The following SPOCD1 variants were observed in gnomAD, a reference collection of about 807,000 sequenced individuals.
SPOCD1 encodes the protein SPOC domain containing 1.
A neutral mutation model predicts 92.2 loss-of-function variants in SPOCD1; 64 were observed. The observed-to-expected ratio is 0.69, with a 90% CI of 0.57 to 0.86. The LOEUF (loss-of-function observed/expected upper bound fraction) is 0.86. Ranked by LOEUF, SPOCD1 falls within the 40% of genes least tolerant of loss-of-function variation. SPOCD1 has a pLI of 0.00. For synonymous variants in SPOCD1, 578 were observed against 619.3 expected (o/e 0.93, Z 0.99); for missense variants, 1,360 against 1,543.1 (o/e 0.88, Z 1.99).
chr1:31,803,816 G>C (rs1368065958), intron 2 of SPOCD1, among the ~76,000 whole-genome samples: 1 of 150,678 alleles, frequency 6.6e-6, no homozygotes, highest in African/African-American at 2.4e-5. Context: ...GAAAGGAAAG[G>C]AGAAGAAGGA....
intron 2 of SPOCD1, among the ~76,000 whole-genome samples, chr1:31,812,669 A>G (rs541034884): frequency 6.6e-6 from 1 of 152,258 alleles, no homozygotes; most frequent in East Asian, 1.9e-4. Flanking sequence ...AGTCTACCTC[A>G]TAGGCTTGTT....
Position 31,799,457 on chromosome 1 carries a change from C to G in SPOCD1, c.1812G>C (p.Leu604=), listed in dbSNP as rs759884784. 6.2e-7 allele frequency: 1 copy of G among 1,611,952 alleles called. No homozygotes were observed. The highest frequency in any genetic ancestry group is 8.5e-7 in the Non-Finnish European group (1 of 1,179,240). Residue 604 remains leucine, a synonymous_variant, in exon 7 of 16, where the codon CTG becomes CTC. Transcript: ENST00000360482. The part of the protein sequence containing the change: ...SAQLQQEKPS[L]YIGVRGTVVR... Reference sequence around the variant, plus strand: ...CAACAGTGCCCCGCACCCCAATATACAGGGATGGCTTCTCCTGTTGGAGCT... The same window carrying G: ...CAACAGTGCCCCGCACCCCAATATAGAGGGATGGCTTCTCCTGTTGGAGCT...
At chr1:31,797,575 A>G (rs996011938) in intron 9 of SPOCD1, among the ~76,000 whole-genome samples, 3 of 152,208 alleles carry the variant, frequency 2.0e-5, no homozygotes, top group African/African-American at 7.2e-5. Flanking sequence ...TATTCATTCT[A>G]ATCAGTTCAG....
chr1:31,791,036 T>C lies in SPOCD1; in HGVS notation c.3218A>G (p.Gln1073Arg). ...PPPGGAWQQS[Q>R]GRGSIAPRGI... ...CCTTGGAGCTATACTGCCCCTGCCC[T>C]GGCTCTGCTGCCAGGCACCTCCTGG... Residue 1073 changes from glutamine (Q) to arginine (R), a missense_variant, in exon 16 of 16, where the codon CAG (glutamine) becomes CGG (arginine). Transcript: ENST00000360482. 6.2e-7 allele frequency: 1 copy of C among 1,612,326 alleles called. No individual in the cohort carries two copies. Among genetic ancestry groups the C allele is most frequent in the Non-Finnish European group, 8.5e-7 (1 of 1,179,552 alleles).
At chr1:31,792,131 T>C in intron 15 of SPOCD1, 84 bp downstream of exon 15, 1 of 1,461,170 alleles carries the variant, frequency 6.8e-7, no homozygotes. Context: ...TGTGCCTGCC[T>C]CTACTGGGTG....
Position 31,796,727 on chromosome 1 carries a change from G to C in SPOCD1, c.2146-12C>G. Reference sequence around the variant, plus strand: ...ATGATATTCAGGCCCTGAAGAGGTGGAGCAGGCCAAGCTGAGCCCAGTTAG... The same window carrying C: ...ATGATATTCAGGCCCTGAAGAGGTGCAGCAGGCCAAGCTGAGCCCAGTTAG... On this transcript the variant is annotated splice_polypyrimidine_tract_variant and intron_variant, in intron 9 of 15. Transcript: ENST00000360482. 6.2e-7 allele frequency: 1 copy of C among 1,614,176 alleles called. No homozygotes were observed. Among genetic ancestry groups the C allele is most frequent in the Non-Finnish European group, 8.5e-7 (1 of 1,180,026 alleles).
intron 15 of SPOCD1, 27 bp downstream of exon 15, chr1:31,792,188 G>A: frequency 6.3e-7 from 1 of 1,577,280 alleles, no homozygotes; most frequent in South Asian, 1.2e-5. Context: ...GCAGAGGCAG[G>A]GTCTGGTATG....
intron 2 of SPOCD1, among the ~76,000 whole-genome samples, chr1:31,808,265 A>T (rs553924874): frequency 6.6e-6 from 1 of 152,198 alleles, no homozygotes; most frequent in South Asian, 2.1e-4. Context: ...ACAAAATACG[A>T]AAAAGATATA....
rs373297732 is a variant in SPOCD1, at chr1:31,801,666, A to G, written c.1423T>C (p.Tyr475His). Residue 475 changes from tyrosine to histidine, a missense_variant and splice_region_variant, in exon 3 of 16, where the codon TAC (tyrosine) becomes CAC (histidine). By Grantham distance (83) the Tyr-to-His change is moderately conservative (BLOSUM62 2). Transcript: ENST00000360482. ...KIPHGVKLVCYLGSGPVIQLL... is the reference protein window; with the variant it reads ...KIPHGVKLVCHLGSGPVIQLL... ...AATAATAAAATGTAAAAACCTACGT[A>G]GCACACAAGCTTCACTCCATGGGGT... 1 of 1,613,720 alleles carries G rather than the reference A, an allele frequency of 6.2e-7. No individual in the cohort carries two copies.
chr1:31,800,262 G>GA, intron 4 of SPOCD1, 121 bp from the exon 5 acceptor site: 1 of 1,496,380 alleles, frequency 6.7e-7, no homozygotes, highest in Non-Finnish European at 8.9e-7. Flanking sequence ...CAGAGCTGCA[G>GA]AAAGTAGTAC....
At position 31,809,053 on chromosome 1, in the gene SPOCD1, G is replaced by GT. The variant is rs140500752; in HGVS notation, c.1383+4897dup. ...AAAATACACAAATTACCCGGGCATG[G>GT]TGGCGGGTACCTGTAATCCCAGTTA... On this transcript the variant is annotated intron_variant, in intron 2 of 15. Coordinates refer to ENST00000360482, the MANE Select transcript of SPOCD1 (RefSeq NM_144569.7). Among the ~76,000 whole-genome samples the GT allele has an allele frequency of 2.4e-3, 365 of 152,290 alleles. 2 individuals carry two copies. The highest frequency in any genetic ancestry group is 7.7e-3 in the African/African-American group (322 of 41,558).
chr1:31,792,863 A>G lies in SPOCD1; in HGVS notation c.2686-96T>C, dbSNP rs1057315567. On this transcript the variant is annotated intron_variant, in intron 13 of 15. Transcript: ENST00000360482. ...ACCTGGAAGGCTGCAGCCTGTGGCAAATATGGGCAGGCAGTGTTCCAGGAC... is the reference window on the plus strand; with the variant it reads ...ACCTGGAAGGCTGCAGCCTGTGGCAGATATGGGCAGGCAGTGTTCCAGGAC... 1.1e-4 allele frequency: 104 copies of G among 979,534 alleles called. No individual in the cohort carries two copies. The African/African-American group carries it at 1.1e-3, about 10-fold the overall frequency. The allele number at this position is 979,534 out of a possible 1,614,324, so 60.7% of individuals were successfully genotyped here.
rs561840899 is a variant in SPOCD1 at position 31,805,616 on chromosome 1, T to C, written c.1384-3911A>G. Among the ~76,000 whole-genome samples the C allele has an allele frequency of 2.6e-4, 39 of 151,854 alleles. 1 individual carries two copies. Among genetic ancestry groups the C allele is most frequent in the African/African-American group, 8.9e-4 (37 of 41,422 alleles). On this transcript the variant is annotated intron_variant, in intron 2 of 15. Transcript: ENST00000360482. ...AGTGGCATGCACCCGTAGTCCCAGCTACTTGGGAGGCTGAGGTGGGAGAAT... is the reference window on the plus strand; with the variant it reads ...AGTGGCATGCACCCGTAGTCCCAGCCACTTGGGAGGCTGAGGTGGGAGAAT...
chr1:31,799,941 C>T (rs1648320913), intron 5 of SPOCD1, 75 bp downstream of exon 5: 4 of 1,612,758 alleles, frequency 2.5e-6, no homozygotes, highest in South Asian at 2.2e-5. Context: ...TTCCTCTAGT[C>T]ACCTCCCCAC....
chr1:31,813,725 A>C (rs1330938870), intron 2 of SPOCD1, among the ~76,000 whole-genome samples: 1 of 152,122 alleles, frequency 6.6e-6, no homozygotes, highest in African/African-American at 2.4e-5. Flanking sequence ...CGAACCCAGG[A>C]CTCACTGACT....
Position 31,791,010 on chromosome 1 carries a change from C to T in SPOCD1, c.3244G>A (p.Gly1082Arg), listed in dbSNP as rs1647548815. ...GGGGGCCTCTGCCAAGCAGAGATTC[C>T]CCTTGGAGCTATACTGCCCCTGCCC... ...SQGRGSIAPR[G>R]ISAWQRPPRG... The change falls in exon 16 of 16, where the codon GGA (glycine) becomes AGA (arginine). Residue 1082 changes from glycine (G) to arginine (R), a missense_variant. Around this residue, in one of 3 missense-constraint regions of SPOCD1, gnomAD observed 614 missense variants for 757.8 expected, o/e 0.81. Transcript: ENST00000360482. The T allele has an allele frequency of 6.2e-7, 1 of 1,601,482 alleles. No homozygotes were observed. Among genetic ancestry groups the T allele is most frequent in the African/African-American group, 1.3e-5 (1 of 74,604 alleles).
At chr1:31,812,320 T>C (rs1228850036) in intron 2 of SPOCD1, among the ~76,000 whole-genome samples, 1 of 152,100 alleles carries the variant, frequency 6.6e-6, no homozygotes, top group Middle Eastern at 3.2e-3. Context: ...TGGTTGGAAA[T>C]GAGAAGAGGA....
Position 31,798,951 on chromosome 1 carries a change from G to C in SPOCD1, c.1869-350C>G. 2 of 551,908 alleles carry C rather than the reference G, an allele frequency of 3.6e-6. No individual in the cohort carries two copies. The highest frequency in any genetic ancestry group is 6.4e-6 in the Non-Finnish European group (2 of 314,086). 34.2% of individuals were successfully genotyped at this position (551,908 alleles called of 1,614,324 possible). On this transcript the variant is annotated intron_variant, in intron 7 of 15. Coordinates refer to ENST00000360482, the MANE Select transcript of SPOCD1 (RefSeq NM_144569.7). The surrounding 1 kb of genome is among the most constrained non-coding windows in gnomAD (Gnocchi z 4.1). Reference sequence around the variant, plus strand: ...AGGGGAGGAAGCCGGGGTCAGGTCAGAGTAAGGCAGGAGTCAGGGGGAGAG... The same window carrying C: ...AGGGGAGGAAGCCGGGGTCAGGTCACAGTAAGGCAGGAGTCAGGGGGAGAG...
intron 10 of SPOCD1, chr1:31,796,071 AGCGCC>A: frequency 1.4e-5 from 3 of 210,000 alleles, no homozygotes; most frequent in Non-Finnish European, 2.9e-5. Flanking sequence ...GCAGATCCTC[AGCGCC>A]AAGAGCCCTA....
Sources: gnomAD v4.1 joint callset for allele counts (sites outside exome capture counted in the v4.1 genomes callset) on GRCh38, gnomAD v4.1.1 for gene constraint, gnomAD v4.1.1 regional missense constraint, Gnocchi (gnomAD v3.1) non-coding constraint, MANE v1.5 for transcripts, NCBI Gene and HGNC (gene_info 2026-07-23, HGNC 2026-07-21) for gene names.